The following AGAP1 variants were observed in gnomAD, a reference collection of about 807,000 sequenced individuals.
AGAP1 encodes ArfGAP with GTPase domain, ankyrin repeat and PH domain 1.
Under a neutral mutation model 105.3 loss-of-function variants are expected in AGAP1, and 29 were observed. That is an observed-to-expected ratio of 0.28 (90% CI 0.21 to 0.38). AGAP1 has a LOEUF of 0.38. Among genes scored for constraint, AGAP1 ranks in the 10% least tolerant of loss-of-function variants. AGAP1 has a pLI of 1.00. For missense variants in AGAP1, 998 were observed against 1,165.1 expected, an observed-to-expected ratio of 0.86 and a Z score of 2.09; for synonymous variants, 509 against 485.9, an observed-to-expected ratio of 1.05 and a Z score of -0.63.
In AGAP1 at chr2:235,599,843, C is replaced by T. The variant is rs1344086300; in HGVS notation, c.163+104994C>T. Among the ~76,000 whole-genome samples the T allele has an allele frequency of 6.6e-6, 1 of 152,186 alleles. No homozygotes were observed. Among genetic ancestry groups the T allele is most frequent in the East Asian group, 1.9e-4 (1 of 5,190 alleles). ...CCTGGGATGTGATGGCACGGTCAGT[C>T]GCCCCTGGTGGAGGCAATGCTGGTA... On this transcript the variant is annotated intron_variant, in intron 1 of 17. Coordinates refer to ENST00000304032, the MANE Select transcript of AGAP1 (RefSeq NM_001037131.3). This position sits in a 1 kb window ranked among gnomAD's most constrained non-coding sequence, Gnocchi z 5.3.
At chr2:236,116,357 C>CTTTTTTTTTGTTTT (rs2059769575) in intron 16 of AGAP1, among the ~76,000 whole-genome samples, 1 of 129,082 alleles carries the variant, frequency 7.7e-6, no homozygotes, top group African/African-American at 2.8e-5. Flanking sequence ...TAATTAAGTT[C>CTTTTTTTTTGTTTT]TTTTTTTTTT....
chr2:235,542,871 C>G (rs10929140), intron 1 of AGAP1, among the ~76,000 whole-genome samples: 18,470 of 152,224 alleles, frequency 0.12, 1,430 homozygotes, highest in African/African-American at 0.21. Context: ...GTAAAAGGCT[C>G]TGAATCTCGC....
chr2:235,674,138 T>G (rs1269057048), intron 1 of AGAP1, among the ~76,000 whole-genome samples: 1 of 152,224 alleles, frequency 6.6e-6, no homozygotes, highest in Non-Finnish European at 1.5e-5. Context: ...CTTGTCTATT[T>G]AGGCTCTTCC....
intron 13 of AGAP1, among the ~76,000 whole-genome samples, chr2:236,019,650 G>A (rs908571742): frequency 1.3e-5 from 2 of 152,234 alleles, no homozygotes; most frequent in Non-Finnish European, 2.9e-5. Flanking sequence ...ACGGGGCTTA[G>A]TACAGAGCCT....
chr2:235,653,987 C>T (rs868042908), intron 1 of AGAP1, among the ~76,000 whole-genome samples: 3 of 152,172 alleles, frequency 2.0e-5, no homozygotes, highest in African/African-American at 4.8e-5. Flanking sequence ...ACCCGGGAGG[C>T]GGAGATTGCA....
intron 6 of AGAP1, among the ~76,000 whole-genome samples, chr2:235,763,142 A>G (rs1954614645): frequency 6.6e-6 from 1 of 152,094 alleles, no homozygotes. Flanking sequence ...ACTCTTTCAC[A>G]TACACGTGGA....
intron 9 of AGAP1, among the ~76,000 whole-genome samples, chr2:235,837,392 A>G (rs998152901): frequency 6.6e-6 from 1 of 152,204 alleles, no homozygotes; most frequent in African/African-American, 2.4e-5. Context: ...TAAAGGATCC[A>G]GATACACAGT....
chr2:236,045,139 C>G lies in AGAP1; in HGVS notation c.1892-3920C>G, dbSNP rs563813231. Reference sequence around the variant, plus strand: ...CTATGCTGCCCAGGCTGGTCTTAAACTCCTGGCCTTCGGCGATCCTCCCCC... The same window carrying G: ...CTATGCTGCCCAGGCTGGTCTTAAAGTCCTGGCCTTCGGCGATCCTCCCCC... On this transcript the variant is annotated intron_variant, in intron 15 of 17. Coordinates refer to ENST00000304032, the MANE Select transcript of AGAP1 (RefSeq NM_001037131.3). This position sits in a 1 kb window ranked among gnomAD's most constrained non-coding sequence, Gnocchi z 6.9. Among the ~76,000 whole-genome samples, 8 of 152,318 alleles carry G rather than the reference C, an allele frequency of 5.3e-5. No individual in the cohort carries two copies. The highest frequency in any genetic ancestry group is 1.9e-4 in the African/African-American group (8 of 41,572).
chr2:235,512,798 G>A (rs765070211), intron 1 of AGAP1, among the ~76,000 whole-genome samples: 6 of 152,186 alleles, frequency 3.9e-5, no homozygotes, highest in Admixed American at 6.5e-5. Context: ...TAACCTTTGC[G>A]CCAGCCAGAG....
At position 235,930,820 on chromosome 2, in the gene AGAP1, C is replaced by T; in HGVS notation, c.1380C>T (p.Ser460=). The change falls in exon 12 of 18, where the codon TCC becomes TCT. Residue 460 remains serine (S), a synonymous_variant. Coordinates refer to ENST00000304032, the MANE Select transcript of AGAP1 (RefSeq NM_001037131.3). The surrounding 1 kb of genome is among the most constrained non-coding windows in gnomAD (Gnocchi z 7.9). The stretch of plus-strand genomic sequence containing the variant: ...TGGCAAGCGGCATCAGCCTGGTCTC[C>T]TTCAACAGCCGACCCGACGGCATGC... The part of the protein sequence containing the change: ...SQMASGISLV[S]FNSRPDGMHQ... 1.2e-6 allele frequency: 2 copies of T among 1,614,110 alleles called. No homozygotes were observed. The highest frequency in any genetic ancestry group is 1.7e-6 in the Non-Finnish European group (2 of 1,180,024).
chr2:235,845,479 C>G lies in AGAP1; in HGVS notation c.1051-37866C>G, dbSNP rs1244948034. On this transcript the variant is annotated intron_variant, in intron 9 of 17. Transcript: ENST00000304032. The surrounding 1 kb of genome is among the most constrained non-coding windows in gnomAD (Gnocchi z 4.8). Reference sequence around the variant, plus strand: ...CATTGTTCAGCCAGCTGGGCGAACCCTGGGCTTCCTGAGGACACCCCATTC... The same window carrying G: ...CATTGTTCAGCCAGCTGGGCGAACCGTGGGCTTCCTGAGGACACCCCATTC... Among the ~76,000 whole-genome samples, 1 of 152,096 alleles carries G rather than the reference C, an allele frequency of 6.6e-6. No homozygotes were observed. Among genetic ancestry groups the G allele is most frequent in the Non-Finnish European group, 1.5e-5 (1 of 68,012 alleles).
At position 235,588,129 on chromosome 2, in the gene AGAP1, C is replaced by G. The variant is rs558700260; in HGVS notation, c.163+93280C>G. Among the ~76,000 whole-genome samples, 7 of 151,820 alleles carry G rather than the reference C, an allele frequency of 4.6e-5. No individual in the cohort carries two copies. The South Asian group carries it at 1.5e-3, about 32-fold the overall frequency. On this transcript the variant is annotated intron_variant, in intron 1 of 17. Transcript: ENST00000304032. The stretch of plus-strand genomic sequence containing the variant: ...CCTGTAGTCCCAGCTACTCGGGAGA[C>G]TGAGGCGGGAGAATTGCTTGAACCC...
At chr2:235,518,070 G>T (rs944131523) in intron 1 of AGAP1, among the ~76,000 whole-genome samples, 1 of 152,212 alleles carries the variant, frequency 6.6e-6, no homozygotes, top group African/African-American at 2.4e-5. Flanking sequence ...GCCTCCGAAG[G>T]TGCAGCGCAG....
Position 235,797,756 on chromosome 2 carries a change from C to T in AGAP1, c.674-3C>T. ...GATTTCTTTTTGTCTGTGTGTCCAC[C>T]AGTTGCCCAGAAGATTGTTGCCACA... On this transcript the variant is annotated splice_polypyrimidine_tract_variant and splice_region_variant and intron_variant, in intron 6 of 17. Transcript: ENST00000304032. The T allele has an allele frequency of 6.2e-7, 1 of 1,614,124 alleles. No individual in the cohort carries two copies. The highest frequency in any genetic ancestry group is 1.6e-4 in the Middle Eastern group (1 of 6,062).
chr2:235,732,922 G>A lies in AGAP1; in HGVS notation c.311-8041G>A, dbSNP rs1348375716. The stretch of plus-strand genomic sequence containing the variant: ...GCCACCTCCCCCAGCCAGCCCCAGG[G>A]GTGTTGGGGGCATCTTTCGAGTCTC... On this transcript the variant is annotated intron_variant, in intron 3 of 17. Transcript: ENST00000304032. This position sits in a 1 kb window ranked among gnomAD's most constrained non-coding sequence, Gnocchi z 4.8. 2.6e-5 allele frequency among the ~76,000 whole-genome samples: 4 copies of A among 152,172 alleles called. No individual in the cohort carries two copies. Among genetic ancestry groups the A allele is most frequent in the Non-Finnish European group, 5.9e-5 (4 of 68,040 alleles).
rs1205615713 is a variant in AGAP1, at chr2:235,747,567, A to G, written c.538+2728A>G. 6.6e-6 allele frequency among the ~76,000 whole-genome samples: 1 copy of G among 152,144 alleles called. No homozygotes were observed. The highest frequency in any genetic ancestry group is 1.5e-5 in the Non-Finnish European group (1 of 68,032). On this transcript the variant is annotated intron_variant, in intron 5 of 17. Transcript: ENST00000304032. The surrounding 1 kb of genome is among the most constrained non-coding windows in gnomAD (Gnocchi z 5.0). ...AGATGAACCAGAACGAAAAGTTGCA[A>G]TCAGGGCTGTATTCCTCACCTGCGG... is the stretch of plus-strand genomic sequence containing the variant.
At position 235,994,842 on chromosome 2, in the gene AGAP1, G is replaced by A. The variant is rs1323888525; in HGVS notation, c.1645+26219G>A. On this transcript the variant is annotated intron_variant, in intron 13 of 17. Transcript: ENST00000304032. This position sits in a 1 kb window ranked among gnomAD's most constrained non-coding sequence, Gnocchi z 4.4. The stretch of plus-strand genomic sequence containing the variant: ...AGCACTTTGGGAGGCCGAGGCGGGC[G>A]GATCACGAGGTCAGGAGTTTGAGAC... Among the ~76,000 whole-genome samples the A allele has an allele frequency of 2.0e-5, 3 of 150,572 alleles. No homozygotes were observed. The highest frequency in any genetic ancestry group is 3.0e-5 in the Non-Finnish European group (2 of 67,586).
rs2058062865 is a variant in AGAP1 at position 236,056,787 on chromosome 2, G to C, written c.2114+7506G>C. The stretch of plus-strand genomic sequence containing the variant: ...TTGGATTATCCCCATTCCCAGACGT[G>C]TGCCAGGGTCACATGGGAGCGCAGG... On this transcript the variant is annotated intron_variant, in intron 16 of 17. Transcript: ENST00000304032. This position sits in a 1 kb window ranked among gnomAD's most constrained non-coding sequence, Gnocchi z 4.6. Among the ~76,000 whole-genome samples the C allele has an allele frequency of 6.6e-6, 1 of 152,190 alleles. No homozygotes were observed. Among genetic ancestry groups the C allele is most frequent in the Admixed American group, 6.5e-5 (1 of 15,284 alleles).
At chr2:236,032,222 C>T (rs2057245680) in intron 13 of AGAP1, among the ~76,000 whole-genome samples, 1 of 152,312 alleles carries the variant, frequency 6.6e-6, no homozygotes, top group South Asian at 2.1e-4. Flanking sequence ...ATTGATAAAA[C>T]ATTGAATATT....
Sources: gnomAD v4.1 joint callset for allele counts (sites outside exome capture counted in the v4.1 genomes callset) on GRCh38, gnomAD v4.1.1 for gene constraint, Gnocchi (gnomAD v3.1) non-coding constraint, MANE v1.5 for transcripts, NCBI Gene and HGNC (gene_info 2026-07-23, HGNC 2026-07-21) for gene names.